Variants in WDR17 observed in about 807,000 individuals in gnomAD.
The protein encoded by WDR17 is WD repeat-containing protein 17.
In WDR17, 143 loss-of-function variants were observed where a neutral mutation model predicts 161.7. That is an observed-to-expected ratio of 0.88 (90% CI 0.77 to 1.02). WDR17 has a LOEUF of 1.02. Ranked by LOEUF, WDR17 falls within the 50% of genes least tolerant of loss-of-function variation. WDR17 has a pLI of 0.00. For missense variants in WDR17, 1,469 were observed against 1,520.9 expected, an observed-to-expected ratio of 0.97 and a Z score of 0.57; for synonymous variants, 517 against 515.6, an observed-to-expected ratio of 1.00 and a Z score of -0.04.
chr4:176,073,029 A>G (rs1733441653), intron 1 of WDR17, among the ~76,000 whole-genome samples: 1 of 151,990 alleles, frequency 6.6e-6, no homozygotes, highest in African/African-American at 2.4e-5. Context: ...GATGTCTTAT[A>G]TTTTGCTTTC....
chr4:176,119,096 C>T (rs1741125015), intron 3 of WDR17, among the ~76,000 whole-genome samples: 1 of 152,040 alleles, frequency 6.6e-6, no homozygotes, highest in Admixed American at 6.6e-5. Flanking sequence ...GATGTGCAAT[C>T]TCTCTCTCAT....
chr4:176,106,383 G>A (rs1277224615), intron 1 of WDR17, among the ~76,000 whole-genome samples: 1 of 151,964 alleles, frequency 6.6e-6, no homozygotes, highest in Non-Finnish European at 1.5e-5. Context: ...AATGCAGAAA[G>A]GCCAGTCTTA....
At chr4:176,116,051 A>G in intron 3 of WDR17, 72 bp downstream of exon 3, 1 of 1,405,616 alleles carries the variant, frequency 7.1e-7, no homozygotes. Context: ...CAATATTATT[A>G]GTTCAGCTTT....
intron 1 of WDR17, among the ~76,000 whole-genome samples, chr4:176,069,795 C>T (rs991801185): frequency 2.0e-5 from 3 of 152,028 alleles, no homozygotes; most frequent in Non-Finnish European, 4.4e-5. Flanking sequence ...ACAAAGCACT[C>T]GTGTTTAACA....
At chr4:176,110,427 A>G (rs1343406994) in intron 1 of WDR17, among the ~76,000 whole-genome samples, 2 of 152,166 alleles carry the variant, frequency 1.3e-5, no homozygotes, top group Non-Finnish European at 2.9e-5. Context: ...CGCCCAGCCT[A>G]TCTTTATTCC....
Position 176,177,109 on chromosome 4 carries a change from T to G in WDR17, c.3501T>G (p.Leu1167=). 6.2e-7 allele frequency: 1 copy of G among 1,613,818 alleles called. No individual in the cohort carries two copies. The highest frequency in any genetic ancestry group is 8.5e-7 in the Non-Finnish European group (1 of 1,179,858). The change falls in exon 27 of 29, where the codon CTT becomes CTG. Residue 1167 remains leucine (L), a synonymous_variant. Coordinates refer to ENST00000508596, the MANE Select transcript of WDR17 (RefSeq NM_181265.4). ...EVSVPLKIEY[L]SEELDAWRAC... is the part of the protein sequence containing the mutation. Reference sequence around the variant, plus strand: ...CAGTACCTTTAAAAATTGAATATCTTTCTGAGGAATTGGATGCATGGAGAG... The same window carrying G: ...CAGTACCTTTAAAAATTGAATATCTGTCTGAGGAATTGGATGCATGGAGAG...
chr4:176,130,588 C>CA lies in WDR17; in HGVS notation c.914-959dup, dbSNP rs35661254. ...TGAAACCCTGTCTCTACTAAAAATA[C>CA]AAAAAAATTAGCCGGGCGTGGTGGC... On this transcript the variant is annotated intron_variant, in intron 6 of 28. Transcript: ENST00000508596. Among the ~76,000 whole-genome samples the CA allele has an allele frequency of 4.0e-5, 6 of 151,472 alleles. No homozygotes were observed. The South Asian group carries it at 1.0e-3, about 26-fold the overall frequency.
chr4:176,130,392 G>A (rs1477813833), intron 6 of WDR17, among the ~76,000 whole-genome samples: 1 of 152,126 alleles, frequency 6.6e-6, no homozygotes, highest in Non-Finnish European at 1.5e-5. Flanking sequence ...CTCAGATTCT[G>A]AGAAATGAAT....
At chr4:176,075,289 G>T (rs183086875) in intron 1 of WDR17, among the ~76,000 whole-genome samples, 5 of 151,608 alleles carry the variant, frequency 3.3e-5, no homozygotes, top group African/African-American at 1.2e-4. Flanking sequence ...ATTGTGAGTC[G>T]ATTTTTCCCT....
intron 17 of WDR17, among the ~76,000 whole-genome samples, chr4:176,154,081 A>C (rs1330663307): frequency 2.0e-5 from 3 of 152,168 alleles, no homozygotes; most frequent in South Asian, 4.1e-4. Flanking sequence ...TTTAACTCAA[A>C]GCCTATTTCA....
chr4:176,113,030 A>G (rs1344406455), intron 2 of WDR17, among the ~76,000 whole-genome samples: 1 of 152,136 alleles, frequency 6.6e-6, no homozygotes, highest in Non-Finnish European at 1.5e-5. Flanking sequence ...CCATTTCTTA[A>G]GACTGTAGAA....
rs763180371 is a variant in WDR17 at position 176,119,866 on chromosome 4, GGGATCCCTGCTTC to G, written c.308_320del (p.Gly103ValfsTer33). On this transcript the variant is annotated frameshift_variant and splice_region_variant, in exon 4 of 29. Transcript: ENST00000508596. LOFTEE classifies it high-confidence loss of function. ...ATGTATCTGTATTTAATGTATTCCA[GGGATCCCTGCTTC>G]TCTTAGTTGGTGCTGGAATGCAGAG... is the stretch of plus-strand genomic sequence containing the variant. The G allele has an allele frequency of 2.4e-5, 38 of 1,613,576 alleles. No individual in the cohort carries two copies. The highest frequency in any genetic ancestry group is 5.3e-5 in the African/African-American group (4 of 75,016).
intron 18 of WDR17, among the ~76,000 whole-genome samples, chr4:176,159,094 T>C (rs1748599901): frequency 6.6e-6 from 1 of 152,178 alleles, no homozygotes; most frequent in Non-Finnish European, 1.5e-5. Flanking sequence ...ATGAAAAATA[T>C]CTGCTACCCC....
chr4:176,177,301 A>G (rs981539198), intron 27 of WDR17, 145 bp downstream of exon 27: 15 of 968,636 alleles, frequency 1.5e-5, no homozygotes, highest in Non-Finnish European at 2.1e-5. Flanking sequence ...AATTTACAAT[A>G]CCGTACTTTT....
At chr4:176,148,399 C>T (rs1746540774) in intron 13 of WDR17, 64 bp downstream of exon 13, 2 of 1,396,110 alleles carry the variant, frequency 1.4e-6, no homozygotes, top group Non-Finnish European at 2.0e-6. Flanking sequence ...CTTATAACTT[C>T]TGAGGAATAC....
rs754450659 is a variant in WDR17, at chr4:176,142,037, A to G, written c.1497A>G (p.Ala499=). 6.8e-6 allele frequency: 11 copies of G among 1,611,308 alleles called. No individual in the cohort carries two copies. In the African/African-American group the frequency reaches 1.5e-4, roughly 22 times the overall value. The change falls in exon 11 of 29, where the codon GCA becomes GCG. Residue 499 remains alanine, a synonymous_variant. Coordinates refer to ENST00000508596, the MANE Select transcript of WDR17 (RefSeq NM_181265.4). ...KVLHKYKHPA[A]VFGCDWSQNN... Reference sequence around the variant, plus strand: ...TACACAAATATAAACATCCAGCTGCAGTGTTTGGTTGTGATTGGAGCCAAA... The same window carrying G: ...TACACAAATATAAACATCCAGCTGCGGTGTTTGGTTGTGATTGGAGCCAAA...
At chr4:176,135,307 C>T (rs762542604) in intron 8 of WDR17, 31 bp downstream of exon 8, 1 of 1,605,304 alleles carries the variant, frequency 6.2e-7, no homozygotes, top group Non-Finnish European at 8.5e-7. Context: ...ATTAGGAATA[C>T]AATGAAATGG....
In WDR17 at chr4:176,179,600, T is replaced by C; in HGVS notation, c.*21T>C. 1 of 1,526,178 alleles carries C rather than the reference T, an allele frequency of 6.6e-7. No homozygotes were observed. Among genetic ancestry groups the C allele is most frequent in the Non-Finnish European group, 8.8e-7 (1 of 1,138,632 alleles). The allele number at this position is 1,526,178 out of a possible 1,614,324, so 94.5% of individuals were successfully genotyped here. A position where few individuals can be genotyped will look rare whatever the true frequency, so the allele number is the denominator to read the frequency against. On this transcript the variant is annotated 3_prime_UTR_variant, in exon 29 of 29. Coordinates refer to ENST00000508596, the MANE Select transcript of WDR17 (RefSeq NM_181265.4). ...TCTGATAGAAGATTTTTGTCCATGC[T>C]TGATTTTTTTTTTTAAAGAAAAACT...
intron 1 of WDR17, among the ~76,000 whole-genome samples, chr4:176,091,710 A>G (rs569261711): frequency 3.3e-5 from 5 of 152,272 alleles, no homozygotes; most frequent in East Asian, 1.9e-4. Context: ...TTCAGAAAAG[A>G]TAAATAAAAT....
Sources: gnomAD v4.1 joint callset for allele counts (sites outside exome capture counted in the v4.1 genomes callset) on GRCh38, gnomAD v4.1.1 for gene constraint, MANE v1.5 for transcripts, NCBI Gene and HGNC (gene_info 2026-07-23, HGNC 2026-07-21) for gene names.